The following WWOX variants were observed in gnomAD, a reference collection of about 807,000 sequenced individuals.
The protein encoded by WWOX is WW domain containing oxidoreductase, also known as WW domain-containing oxidoreductase.
A neutral mutation model predicts 46.2 loss-of-function variants in WWOX; 69 were observed. That is an observed-to-expected ratio of 1.49 (90% confidence interval 1.23 to 1.82). The LOEUF (loss-of-function observed/expected upper bound fraction) is 1.82, where lower values mean the gene tolerates loss of function less well. Ranked by LOEUF, WWOX falls within the 40% of genes most tolerant of loss-of-function variation. WWOX has a pLI of 0.00. For missense variants in WWOX, 919 were observed against 542.6 expected, an observed-to-expected ratio of 1.69 and a Z score of -6.89; for synonymous variants, 359 against 202.6, an observed-to-expected ratio of 1.77 and a Z score of -6.56.
At chr16:78,825,366 T>G (rs1466478612) in intron 8 of WWOX, 1 of 273,576 alleles carries the variant, frequency 3.7e-6, no homozygotes, top group African/African-American at 2.2e-5. Flanking sequence ...ACTCCGGAGC[T>G]GGCTAAAGAC....
At chr16:78,199,261 C>T (rs2036154785) in intron 5 of WWOX, among the ~76,000 whole-genome samples, 1 of 152,050 alleles carries the variant, frequency 6.6e-6, no homozygotes, top group African/African-American at 2.4e-5. Context: ...TGCAGTGAGC[C>T]CAGATCGCAC....
At chr16:78,245,907 A>C (rs2037801217) in intron 5 of WWOX, among the ~76,000 whole-genome samples, 2 of 152,190 alleles carry the variant, frequency 1.3e-5, no homozygotes, top group South Asian at 4.1e-4. Context: ...CAGAAAGGAG[A>C]ACAAAGAGGG....
At chr16:78,353,371 C>G (rs2081221071) in intron 5 of WWOX, among the ~76,000 whole-genome samples, 1 of 152,170 alleles carries the variant, frequency 6.6e-6, no homozygotes, top group Admixed American at 6.6e-5. Flanking sequence ...CACAGCTGGG[C>G]TGAAGAGTTA....
At chr16:79,048,651 G>C (rs1301627035) in intron 8 of WWOX, among the ~76,000 whole-genome samples, 1 of 152,056 alleles carries the variant, frequency 6.6e-6, no homozygotes, top group Non-Finnish European at 1.5e-5. Context: ...ATACTCTAAA[G>C]CATCAATTGC....
chr16:79,113,991 C>G (rs760047378), intron 8 of WWOX, among the ~76,000 whole-genome samples: 2 of 152,156 alleles, frequency 1.3e-5, no homozygotes, highest in African/African-American at 2.4e-5. Context: ...TGGCGATGTG[C>G]TCGCATGGCA....
At chr16:78,506,859 C>A (rs543705538) in intron 8 of WWOX, among the ~76,000 whole-genome samples, 3 of 152,032 alleles carry the variant, frequency 2.0e-5, no homozygotes, top group East Asian at 3.9e-4. Context: ...ACTACAGGCA[C>A]CTACCACCAC....
chr16:78,868,481 A>T (rs2737287), intron 8 of WWOX, among the ~76,000 whole-genome samples: 9,878 of 151,478 alleles, frequency 0.065, 450 homozygotes, highest in Middle Eastern at 0.13. Context: ...AAATATACTA[A>T]CATCAAACTG....
intron 8 of WWOX, among the ~76,000 whole-genome samples, chr16:79,033,624 T>C (rs1436893894): frequency 6.6e-6 from 1 of 152,160 alleles, no homozygotes; most frequent in Non-Finnish European, 1.5e-5. Context: ...AGGGCATTCA[T>C]ATTGTTGTGC....
intron 5 of WWOX, among the ~76,000 whole-genome samples, chr16:78,179,938 C>A (rs112148636): frequency 6.6e-6 from 1 of 152,274 alleles, no homozygotes; most frequent in African/African-American, 2.4e-5. Context: ...GGAGTTATAA[C>A]TTGGGCAGCA....
At chr16:78,995,693 T>C (rs1447250884) in intron 8 of WWOX, among the ~76,000 whole-genome samples, 1 of 152,200 alleles carries the variant, frequency 6.6e-6, no homozygotes, top group Admixed American at 6.5e-5. Context: ...TTCTCAGGAC[T>C]GGTAAAGTGT....
rs563206079 is a variant in WWOX at position 79,042,570 on chromosome 16, G to C, written c.1057-169038G>C. Among the ~76,000 whole-genome samples, 171 of 152,242 alleles carry C rather than the reference G, an allele frequency of 1.1e-3. 4 individuals carry two copies. The highest frequency in any genetic ancestry group is 1.2e-3 in the Non-Finnish European group (83 of 68,018). On this transcript the variant is annotated intron_variant, in intron 8 of 8. Transcript: ENST00000566780. Reference sequence around the variant, plus strand: ...GTTTGTCTATTATTAGTGATTATTAGGGTTATAATGCAGCATGGAAATTTG... The same window carrying C: ...GTTTGTCTATTATTAGTGATTATTACGGTTATAATGCAGCATGGAAATTTG...
At chr16:78,547,147 A>AAAAAAAAAAAAAC (rs754692914) in intron 8 of WWOX, among the ~76,000 whole-genome samples, 3 of 139,318 alleles carry the variant, frequency 2.2e-5, no homozygotes, top group Non-Finnish European at 4.8e-5. Flanking sequence ...AAAAAAAAAA[A>AAAAAAAAAAAAAC]AAAAAAAAAA....
intron 8 of WWOX, among the ~76,000 whole-genome samples, chr16:78,626,330 C>G (rs1224468430): frequency 6.6e-6 from 1 of 152,086 alleles, no homozygotes; most frequent in East Asian, 1.9e-4. Flanking sequence ...ATTTAATTGT[C>G]AGGTCTCCTT....
intron 8 of WWOX, among the ~76,000 whole-genome samples, chr16:78,744,880 A>G (rs764819798): frequency 6.6e-6 from 1 of 152,084 alleles, no homozygotes; most frequent in Non-Finnish European, 1.5e-5. Context: ...GAAGAGCAAC[A>G]CTCTAGTTTT....
chr16:78,594,429 GCCCCCCC>G (rs138806967), intron 8 of WWOX, among the ~76,000 whole-genome samples: 1,478 of 32,418 alleles, frequency 0.046, 364 homozygotes, highest in African/African-American at 0.19. Context: ...CTGAGGAAAG[GCCCCCCC>G]CCCCCCCCCG....
intron 8 of WWOX, among the ~76,000 whole-genome samples, chr16:79,208,110 C>G (rs941745967): frequency 6.6e-6 from 1 of 152,200 alleles, no homozygotes; most frequent in Non-Finnish European, 1.5e-5. Flanking sequence ...TACCAAGATA[C>G]TCTTAATCCC....
chr16:78,333,498 A>G (rs1291734681), intron 5 of WWOX, among the ~76,000 whole-genome samples: 1 of 152,172 alleles, frequency 6.6e-6, no homozygotes, highest in Non-Finnish European at 1.5e-5. Context: ...AAATATTTTG[A>G]CAGAATTTAA....
rs867139248 is a variant in WWOX at position 79,078,641 on chromosome 16, A to G, written c.1057-132967A>G. 5.9e-5 allele frequency among the ~76,000 whole-genome samples: 9 copies of G among 152,346 alleles called. No individual in the cohort carries two copies. In the South Asian group the frequency reaches 1.0e-3, roughly 18 times the overall value. ...GTTCCTGGCCTTGAGTAAAAACTTCATAAGCACTTGTTGAATTGAACTGAA... is the reference window on the plus strand; with the variant it reads ...GTTCCTGGCCTTGAGTAAAAACTTCGTAAGCACTTGTTGAATTGAACTGAA... On this transcript the variant is annotated intron_variant, in intron 8 of 8. Coordinates refer to ENST00000566780, the MANE Select transcript of WWOX (RefSeq NM_016373.4).
chr16:78,734,841 C>CTTT lies in WWOX; in HGVS notation c.1056+302129_1056+302131dup, dbSNP rs60560119. 3.1e-3 allele frequency among the ~76,000 whole-genome samples: 125 copies of CTTT among 40,126 alleles called. 33 individuals carry two copies. Among genetic ancestry groups the CTTT allele is most frequent in the East Asian group, 5.0e-3 (6 of 1,192 alleles). 26.3% of individuals were successfully genotyped at this position (40,126 alleles called of 152,430 possible). ...GATGACTCAGGTGGGGACTTCAGTC[C>CTTT]TTTTTTTTTTTTTTTTTTTTTTTTT... On this transcript the variant is annotated intron_variant, in intron 8 of 8. Coordinates refer to ENST00000566780, the MANE Select transcript of WWOX (RefSeq NM_016373.4).
Sources: allele counts gnomAD v4.1 joint callset (sites outside exome capture counted in the v4.1 genomes callset), GRCh38; gene constraint gnomAD v4.1.1; transcripts MANE v1.5; gene names NCBI Gene and HGNC (gene_info 2026-07-23, HGNC 2026-07-21).